The following VIRMA variants were observed in gnomAD, a reference collection of about 807,000 sequenced individuals.
VIRMA encodes vir like m6A methyltransferase associated.
Under a neutral mutation model 182.4 loss-of-function variants are expected in VIRMA, and 65 were observed. The observed-to-expected ratio is 0.36, with a 90% CI of 0.29 to 0.44. VIRMA has a LOEUF of 0.44. VIRMA is among the 20% of genes least tolerant of loss of function. VIRMA has a pLI of 1.00. For missense variants in VIRMA, 1,752 were observed against 2,158.1 expected (o/e 0.81, Z 3.73); for synonymous variants, 709 against 743.1 (o/e 0.95, Z 0.75).
chr8:94,545,546 G>A (rs965063545), intron 1 of VIRMA, among the ~76,000 whole-genome samples: 63 of 152,122 alleles, frequency 4.1e-4, no homozygotes, highest in African/African-American at 1.5e-3. Flanking sequence ...ATGTTCCAAA[G>A]TATGCTAGTT....
At position 94,553,386 on chromosome 8, in the gene VIRMA, T is replaced by C; in HGVS notation, c.62A>G (p.Glu21Gly). Residue 21 changes from glutamate to glycine, a missense_variant and splice_region_variant, in exon 1 of 24, where the codon GAG becomes GGG. Physicochemically the swap from Glu to Gly is moderately conservative, Grantham distance 98. Transcript: ENST00000297591. ...FLDTFKHPSA[E>G]QSSHIDVVRF... ...CAGAATCAAGTCGCCAAGCCTTACC[T>C]CAGCGCTCGGGTGTTTAAAAGTATC... is the stretch of plus-strand genomic sequence containing the variant. The C allele has an allele frequency of 6.2e-7, 1 of 1,614,094 alleles. No individual in the cohort carries two copies. The highest frequency in any genetic ancestry group is 8.5e-7 in the Non-Finnish European group (1 of 1,179,948).
At chr8:94,491,545 T>A in intron 22 of VIRMA, 33 bp downstream of exon 22, 1 of 1,522,918 alleles carries the variant, frequency 6.6e-7, no homozygotes, top group Non-Finnish European at 9.0e-7. Flanking sequence ...TCCAATATTC[T>A]AACCCATTAG....
chr8:94,491,505 C>T lies in VIRMA; in HGVS notation c.5140+73G>A. The T allele has an allele frequency of 2.9e-6, 4 of 1,360,912 alleles. No individual in the cohort carries two copies. In the South Asian group the frequency reaches 5.4e-5, roughly 18 times the overall value. 84.3% of individuals were successfully genotyped at this position (1,360,912 alleles called of 1,614,324 possible). A position where few individuals can be genotyped will look rare whatever the true frequency, so the allele number is the denominator to read the frequency against. On this transcript the variant is annotated intron_variant, in intron 22 of 23. Coordinates refer to ENST00000297591, the MANE Select transcript of VIRMA (RefSeq NM_015496.5). ...AACTGTTTATCTGAATCTCTTCCAT[C>T]TAAATCACTTTCATTCAATATTTTA...
chr8:94,539,573 G>A (rs1341782552), intron 2 of VIRMA, among the ~76,000 whole-genome samples: 1 of 152,158 alleles, frequency 6.6e-6, no homozygotes, highest in Non-Finnish European at 1.5e-5. Context: ...TAACTATAAT[G>A]TCTAGAGTAC....
chr8:94,519,988 A>C (rs1482998545), intron 8 of VIRMA, among the ~76,000 whole-genome samples: 1 of 152,108 alleles, frequency 6.6e-6, no homozygotes, highest in African/African-American at 2.4e-5. Flanking sequence ...AGGCAGGCAG[A>C]TCACTTTAGG....
intron 15 of VIRMA, among the ~76,000 whole-genome samples, chr8:94,508,785 AACATGGG>A (rs1814254418): frequency 6.6e-6 from 1 of 152,164 alleles, no homozygotes; most frequent in South Asian, 2.1e-4. Context: ...ACAGTCTTCC[AACATGGG>A]ACTCTATTCT....
intron 1 of VIRMA, among the ~76,000 whole-genome samples, chr8:94,549,554 A>AT (rs1447696092): frequency 2.0e-5 from 3 of 152,182 alleles, no homozygotes; most frequent in African/African-American, 7.2e-5. Flanking sequence ...GAATTTTACC[A>AT]TTTTTAACTA....
At chr8:94,544,140 C>T (rs1815677676) in intron 1 of VIRMA, among the ~76,000 whole-genome samples, 198 bp from the exon 2 acceptor site, 1 of 152,110 alleles carries the variant, frequency 6.6e-6, no homozygotes, top group Non-Finnish European at 1.5e-5. Context: ...ATTTGCCTAA[C>T]ATTTTCTGCC....
At chr8:94,532,630 A>G (rs1285717785) in intron 5 of VIRMA, among the ~76,000 whole-genome samples, 2 of 152,326 alleles carry the variant, frequency 1.3e-5, no homozygotes, top group East Asian at 3.9e-4. Flanking sequence ...TTCCCTGTAC[A>G]TTTCTTTGCA....
chr8:94,488,677 A>T lies in VIRMA; in HGVS notation c.*29T>A. 6.2e-7 allele frequency: 1 copy of T among 1,610,428 alleles called. No homozygotes were observed. On this transcript the variant is annotated 3_prime_UTR_variant, in exon 24 of 24. Coordinates refer to ENST00000297591, the MANE Select transcript of VIRMA (RefSeq NM_015496.5). ...TTTATTGTCCTCGTGAAATGTTCAT[A>T]TACAGTTAAGATGTTCCCAAAAGGA...
rs1385122139 is a variant in VIRMA at position 94,489,854 on chromosome 8, GC to G, written c.5284+84del. 12 of 1,430,352 alleles carry G rather than the reference GC, an allele frequency of 8.4e-6. No individual in the cohort carries two copies. In the South Asian group the frequency reaches 1.1e-4, roughly 13 times the overall value. The allele number at this position is 1,430,352 out of a possible 1,614,324, so 88.6% of individuals were successfully genotyped here. On this transcript the variant is annotated intron_variant, in intron 23 of 23. Coordinates refer to ENST00000297591, the MANE Select transcript of VIRMA (RefSeq NM_015496.5). ...GGAGATGGGGAGATTAGCACCCCTA[GC>G]CCCCTCTGTATATGATATCAACAAT...
chr8:94,553,364 A>G, intron 1 of VIRMA, 21 bp downstream of exon 1: 2 of 1,612,406 alleles, frequency 1.2e-6, no homozygotes, highest in Non-Finnish European at 1.7e-6. Flanking sequence ...GCAGCGTCAG[A>G]ATCAAGTCGC....
At chr8:94,501,943 C>A (rs1214934252) in intron 16 of VIRMA, among the ~76,000 whole-genome samples, 2 of 152,128 alleles carry the variant, frequency 1.3e-5, no homozygotes, top group African/African-American at 4.8e-5. Flanking sequence ...ACTGTTAAGT[C>A]CGTTTGTTCC....
intron 1 of VIRMA, among the ~76,000 whole-genome samples, chr8:94,545,180 A>C (rs1207100711): frequency 6.6e-6 from 1 of 152,214 alleles, no homozygotes; most frequent in African/African-American, 2.4e-5. Flanking sequence ...AATTATATCT[A>C]GTATATACTT....
intron 5 of VIRMA, among the ~76,000 whole-genome samples, chr8:94,532,110 T>C (rs971234444): frequency 1.3e-5 from 2 of 152,244 alleles, no homozygotes; most frequent in East Asian, 3.9e-4. Flanking sequence ...TTTCTTTTTA[T>C]GTTTTGTTTT....
chr8:94,511,093 G>A, intron 13 of VIRMA, 92 bp downstream of exon 13: 3 of 1,502,604 alleles, frequency 2.0e-6, no homozygotes, highest in African/African-American at 1.4e-5. Flanking sequence ...GAGGAAGGGA[G>A]ATGAGGGTTT....
At chr8:94,531,842 C>G (rs1815184867) in intron 5 of VIRMA, among the ~76,000 whole-genome samples, 1 of 152,146 alleles carries the variant, frequency 6.6e-6, no homozygotes, top group African/African-American at 2.4e-5. Flanking sequence ...TATTTTGTAA[C>G]ACCACTCAGC....
intron 22 of VIRMA, 141 bp downstream of exon 22, chr8:94,491,437 C>T: frequency 1.4e-6 from 1 of 724,846 alleles, no homozygotes; most frequent in Non-Finnish European, 2.3e-6. Context: ...ACTCTGCAAA[C>T]AGTACCACTA....
At chr8:94,518,671 T>C (rs1814644490) in intron 9 of VIRMA, among the ~76,000 whole-genome samples, 1 of 152,192 alleles carries the variant, frequency 6.6e-6, no homozygotes, top group African/African-American at 2.4e-5. Flanking sequence ...ATAAAAGGAA[T>C]ATATACCTTA....
Sources: allele counts gnomAD v4.1 joint callset (sites outside exome capture counted in the v4.1 genomes callset), GRCh38; gene constraint gnomAD v4.1.1; transcripts MANE v1.5; gene names NCBI Gene and HGNC (gene_info 2026-07-23, HGNC 2026-07-21).